The following XIRP2 variants were observed in gnomAD, a reference collection of about 807,000 sequenced individuals.
XIRP2 encodes the protein xin actin-binding repeat-containing protein 2.
A neutral mutation model predicts 277.0 loss-of-function variants in XIRP2; 236 were observed. The ratio of observed to expected loss-of-function variants is 0.85; its 90% CI spans 0.77 to 0.95. The LOEUF (loss-of-function observed/expected upper bound fraction) is 0.95, where lower values mean the gene tolerates loss of function less well. XIRP2 is among the 40% of genes least tolerant of loss of function. The pLI is 0.00. For synonymous variants in XIRP2, 1,490 were observed against 1,416.5 expected (o/e 1.05, Z -1.17); for missense variants, 4,640 against 4,157.5 (o/e 1.12, Z -3.19).
intron 3 of XIRP2, among the ~76,000 whole-genome samples, chr2:167,204,273 A>G (rs1380882123): frequency 6.6e-6 from 1 of 152,238 alleles, no homozygotes; most frequent in Non-Finnish European, 1.5e-5. Flanking sequence ...ACACTGGACT[A>G]ACCATCTGGG....
intron 2 of XIRP2, among the ~76,000 whole-genome samples, chr2:166,911,387 C>A (rs1378204489): frequency 6.6e-6 from 1 of 152,112 alleles, no homozygotes; most frequent in Non-Finnish European, 1.5e-5. Flanking sequence ...CTCTTTTGAG[C>A]TTTGTTGGTT....
rs1381361654 is a variant in XIRP2 at position 166,903,644 on chromosome 2, T to G, written c.162T>G (p.Pro54=). 6 of 1,613,612 alleles carry G rather than the reference T, an allele frequency of 3.7e-6. No individual in the cohort carries two copies. Among genetic ancestry groups the G allele is most frequent in the Non-Finnish European group, 5.1e-6 (6 of 1,179,752 alleles). ...LAPEGEVVSA[P]QSLDPTSLPY... ...CTGAAGGAGAGGTAGTATCAGCACC[T>G]CAATCTTTGGATCCCACAAGTCTGC... Residue 54 remains proline, a synonymous_variant, in exon 2 of 11, where the codon CCT becomes CCG. Coordinates refer to ENST00000409195, the MANE Select transcript of XIRP2 (RefSeq NM_152381.6).
At chr2:167,182,233 A>G (rs1231405462) in intron 3 of XIRP2, among the ~76,000 whole-genome samples, 1 of 152,180 alleles carries the variant, frequency 6.6e-6, no homozygotes, top group African/African-American at 2.4e-5. Flanking sequence ...CAGATTGCCA[A>G]ATCCTAATTG....
intron 2 of XIRP2, among the ~76,000 whole-genome samples, chr2:166,937,276 T>G (rs1685545813): frequency 6.6e-6 from 1 of 152,192 alleles, no homozygotes; most frequent in Non-Finnish European, 1.5e-5. Flanking sequence ...AACACCTAAT[T>G]TATTGAGATT....
intron 2 of XIRP2, among the ~76,000 whole-genome samples, chr2:166,947,437 T>C (rs1317343021): frequency 6.6e-6 from 1 of 152,208 alleles, no homozygotes; most frequent in Admixed American, 6.5e-5. Context: ...ATGGCAGTTC[T>C]ACTTCCTTGG....
At chr2:167,009,233 T>G (rs1305468062) in intron 2 of XIRP2, among the ~76,000 whole-genome samples, 3 of 105,174 alleles carry the variant, frequency 2.9e-5, no homozygotes, top group Non-Finnish European at 5.3e-5. Flanking sequence ...CCCACAACAG[T>G]CCCCAGAGTG....
intron 2 of XIRP2, among the ~76,000 whole-genome samples, chr2:167,084,379 C>A (rs1315974962): frequency 6.6e-6 from 1 of 151,898 alleles, no homozygotes; most frequent in African/African-American, 2.4e-5. Context: ...CAATGTTCAT[C>A]AAGGATATTG....
chr2:167,182,696 G>T (rs1437722393), intron 3 of XIRP2, among the ~76,000 whole-genome samples: 1 of 151,688 alleles, frequency 6.6e-6, no homozygotes, highest in African/African-American at 2.4e-5. Context: ...TCTATAAAAT[G>T]GTGAAAACAC....
At chr2:167,229,243 T>G (rs1694687807) in intron 5 of XIRP2, among the ~76,000 whole-genome samples, 3 of 152,156 alleles carry the variant, frequency 2.0e-5, no homozygotes, top group Admixed American at 6.6e-5. Context: ...TATTGCCCTT[T>G]CTATCTGAAG....
intron 2 of XIRP2, among the ~76,000 whole-genome samples, chr2:167,097,333 T>TA (rs1690352356): frequency 6.6e-6 from 1 of 152,088 alleles, no homozygotes. Flanking sequence ...TTTGTTGGTT[T>TA]AAAGTCTGTT....
At chr2:167,038,599 C>G (rs1688578515) in intron 2 of XIRP2, among the ~76,000 whole-genome samples, 1 of 151,116 alleles carries the variant, frequency 6.6e-6, no homozygotes, top group Non-Finnish European at 1.5e-5. Context: ...CCCCATGTTG[C>G]TTTTCTTGTA....
At chr2:167,206,106 C>T (rs6432984) in intron 3 of XIRP2, among the ~76,000 whole-genome samples, 40,141 of 152,066 alleles carry the variant, frequency 0.26, 8,465 homozygotes, top group African/African-American at 0.59. Flanking sequence ...TTACTACAGA[C>T]ACTCTTCATG....
intron 2 of XIRP2, among the ~76,000 whole-genome samples, chr2:167,126,341 T>C (rs1388506820): frequency 6.6e-6 from 1 of 152,104 alleles, no homozygotes; most frequent in African/African-American, 2.4e-5. Context: ...AAGCCAAGAC[T>C]GGAAAGGTTG....
At chr2:167,040,741 T>C (rs1187995132) in intron 2 of XIRP2, among the ~76,000 whole-genome samples, 1 of 152,174 alleles carries the variant, frequency 6.6e-6, no homozygotes, top group East Asian at 1.9e-4. Context: ...TGTCTGGCTA[T>C]GGCCACCAGC....
chr2:167,013,001 A>C (rs1687724438), intron 2 of XIRP2, among the ~76,000 whole-genome samples: 1 of 151,332 alleles, frequency 6.6e-6, no homozygotes. Context: ...TAAAATTGAC[A>C]TTAGGACATA....
chr2:167,228,701 C>G (rs889863108), intron 5 of XIRP2, among the ~76,000 whole-genome samples: 1 of 152,154 alleles, frequency 6.6e-6, no homozygotes, highest in Non-Finnish European at 1.5e-5. Context: ...GACTGAGTTG[C>G]AAGCACAGAT....
intron 2 of XIRP2, among the ~76,000 whole-genome samples, chr2:167,086,675 C>T (rs546400310): frequency 1.1e-4 from 16 of 152,036 alleles, no homozygotes; most frequent in African/African-American, 3.1e-4. Flanking sequence ...CTTCCCTTCT[C>T]GCTTCATTTC....
chr2:166,948,877 A>T (rs1057272506), intron 2 of XIRP2, among the ~76,000 whole-genome samples: 8 of 152,112 alleles, frequency 5.3e-5, no homozygotes, highest in Non-Finnish European at 8.8e-5. Context: ...GTCAGAAAAG[A>T]AATACCAAAA....
At chr2:167,184,514 G>A (rs1268119327) in intron 3 of XIRP2, 4 of 711,000 alleles carry the variant, frequency 5.6e-6, no homozygotes, top group South Asian at 4.5e-5. Flanking sequence ...AATTGCCAAA[G>A]GTTCTGCTGT....
Sources: allele counts gnomAD v4.1 joint callset (sites outside exome capture counted in the v4.1 genomes callset), GRCh38; gene constraint gnomAD v4.1.1; transcripts MANE v1.5; gene names NCBI Gene and HGNC (gene_info 2026-07-23, HGNC 2026-07-21).